The following TENM2 variants were observed in gnomAD, a reference collection of about 807,000 sequenced individuals.
TENM2 encodes the protein teneurin transmembrane protein 2.
TENM2 carries 52 observed loss-of-function variants against 245.2 expected under a neutral mutation model. That is an observed-to-expected ratio of 0.21 (90% CI 0.17 to 0.27). TENM2 has a LOEUF of 0.27. Among genes scored for constraint, TENM2 ranks in the 10% least tolerant of loss-of-function variants. The pLI is 1.00. For synonymous variants in TENM2, 1,363 were observed against 1,438.9 expected (o/e 0.95, Z 1.19); for missense variants, 3,046 against 3,666.8 (o/e 0.83, Z 4.37).
At chr5:168,088,975 A>T (rs1792696275) in intron 7 of TENM2, among the ~76,000 whole-genome samples, 1 of 152,194 alleles carries the variant, frequency 6.6e-6, no homozygotes, top group Non-Finnish European at 1.5e-5. Flanking sequence ...AGATTGCTTA[A>T]TCCTACAGTG....
chr5:167,098,702 T>C, the TENM2 span, among the ~76,000 whole-genome samples: 2 of 152,150 alleles, frequency 1.3e-5, no homozygotes, highest in African/African-American at 4.8e-5. Flanking sequence ...GAGTGTTTTG[T>C]CTAAAAACAG....
chr5:168,209,239 T>C (rs1762607095), intron 19 of TENM2, among the ~76,000 whole-genome samples: 2 of 152,236 alleles, frequency 1.3e-5, no homozygotes, highest in South Asian at 4.1e-4. Flanking sequence ...GTTTCCTTTT[T>C]AATATCTCTG....
intron 1 of TENM2, among the ~76,000 whole-genome samples, chr5:167,353,979 A>G (rs1759146246): frequency 6.6e-6 from 1 of 152,208 alleles, no homozygotes; most frequent in African/African-American, 2.4e-5. Context: ...TAGAAGAAAA[A>G]TGGAAGATGA....
chr5:167,620,545 T>C (rs1187600622), intron 2 of TENM2, among the ~76,000 whole-genome samples: 1 of 146,792 alleles, frequency 6.8e-6, no homozygotes, highest in Non-Finnish European at 1.5e-5. Context: ...ACTTTGCTTT[T>C]TGGCTTTTTT....
chr5:167,606,558 G>A (rs746945141), intron 2 of TENM2, among the ~76,000 whole-genome samples: 1 of 152,038 alleles, frequency 6.6e-6, no homozygotes, highest in Non-Finnish European at 1.5e-5. Flanking sequence ...GGAGGGCTAG[G>A]GCTTCAACAT....
chr5:167,688,826 C>G (rs1270093888), intron 2 of TENM2, among the ~76,000 whole-genome samples: 4 of 152,164 alleles, frequency 2.6e-5, no homozygotes, highest in Non-Finnish European at 4.4e-5. Context: ...CATTCTCAGG[C>G]TGGGTGATTT....
intron 2 of TENM2, among the ~76,000 whole-genome samples, chr5:167,670,499 A>T (rs1293867259): frequency 6.6e-6 from 1 of 150,620 alleles, no homozygotes; most frequent in African/African-American, 2.4e-5. Context: ...CTCTCATCAC[A>T]TTTTTTTTTC....
At chr5:167,672,142 A>G (rs905847517) in intron 2 of TENM2, among the ~76,000 whole-genome samples, 3 of 152,080 alleles carry the variant, frequency 2.0e-5, no homozygotes, top group Non-Finnish European at 1.5e-5. Context: ...TTCAAAACCT[A>G]TACAAACTGG....
At chr5:167,117,559 A>C in the TENM2 span, among the ~76,000 whole-genome samples, 1 of 152,134 alleles carries the variant, frequency 6.6e-6, no homozygotes, top group Admixed American at 6.5e-5. Context: ...AGAGGTGAAC[A>C]TGATAAAAGC....
chr5:167,730,628 A>G lies in TENM2; in HGVS notation c.503-145358A>G, dbSNP rs190003330. 2.2e-3 allele frequency among the ~76,000 whole-genome samples: 327 copies of G among 152,090 alleles called. 1 individual carries two copies. The highest frequency in any genetic ancestry group is 6.7e-3 in the African/African-American group (280 of 41,506). The stretch of plus-strand genomic sequence containing the variant: ...TCACCAGAGGGTTTAATCTATTTCA[A>G]TTTTCTTTGTTCACATCAGAGATGT... On this transcript the variant is annotated intron_variant, in intron 2 of 28. Coordinates refer to ENST00000518659, the Ensembl canonical transcript of TENM2.
At chr5:167,829,138 ACTGT>A (rs1768240635) in intron 2 of TENM2, among the ~76,000 whole-genome samples, 1 of 152,206 alleles carries the variant, frequency 6.6e-6, no homozygotes, top group Non-Finnish European at 1.5e-5. Context: ...GTGAAAATTA[ACTGT>A]CTGCCTATCC....
chr5:167,563,996 C>T (rs994028478), intron 2 of TENM2, among the ~76,000 whole-genome samples: 1 of 152,164 alleles, frequency 6.6e-6, no homozygotes, highest in Non-Finnish European at 1.5e-5. Flanking sequence ...AACTGGTGCA[C>T]GACTGTACTT....
intron 12 of TENM2, among the ~76,000 whole-genome samples, chr5:168,154,164 A>AAAAAAAAAAAAAAAAAAAAC (rs1171979738): frequency 1.5e-4 from 22 of 150,740 alleles, no homozygotes; most frequent in African/African-American, 5.4e-4. Flanking sequence ...AAAAAAAAAA[A>AAAAAAAAAAAAAAAAAAAAC]AACAGTAAGA....
chr5:167,702,605 G>T (rs1758236903), intron 2 of TENM2, among the ~76,000 whole-genome samples: 1 of 144,928 alleles, frequency 6.9e-6, no homozygotes, highest in Admixed American at 6.8e-5. Context: ...CATAGTAAAA[G>T]TTTTCCCAAG....
At chr5:167,057,417 G>A in the TENM2 span, among the ~76,000 whole-genome samples, 2 of 152,020 alleles carry the variant, frequency 1.3e-5, no homozygotes, top group East Asian at 4.0e-4. Flanking sequence ...TCAAAGATGG[G>A]CATGGTGTAC....
At chr5:167,384,259 T>G (rs755404631) in intron 2 of TENM2, among the ~76,000 whole-genome samples, 2 of 152,108 alleles carry the variant, frequency 1.3e-5, no homozygotes, top group Non-Finnish European at 2.9e-5. Flanking sequence ...AAAATAAACA[T>G]TATATATGTT....
chr5:167,353,441 C>A (rs1348830107), intron 1 of TENM2, among the ~76,000 whole-genome samples: 2 of 150,004 alleles, frequency 1.3e-5, no homozygotes, highest in South Asian at 4.2e-4. Flanking sequence ...GCTTTGGGTC[C>A]GTCCAAGTGA....
chr5:167,701,054 G>A (rs889258810), intron 2 of TENM2, among the ~76,000 whole-genome samples: 1 of 151,374 alleles, frequency 6.6e-6, no homozygotes, highest in African/African-American at 2.4e-5. Flanking sequence ...GAATTATTCA[G>A]GTAAAAATAT....
chr5:167,249,898 T>C, the TENM2 span, among the ~76,000 whole-genome samples: 1 of 152,128 alleles, frequency 6.6e-6, no homozygotes, highest in African/African-American at 2.4e-5. Context: ...CCTGGAACAT[T>C]ATAGACAATG....
Sources: allele counts gnomAD v4.1 joint callset (sites outside exome capture counted in the v4.1 genomes callset), GRCh38; gene constraint gnomAD v4.1.1; transcripts MANE v1.5; gene names NCBI Gene and HGNC (gene_info 2026-07-23, HGNC 2026-07-21).